The following CACNA1B variants were observed in gnomAD, a reference collection of about 807,000 sequenced individuals.
CACNA1B encodes calcium voltage-gated channel subunit alpha1 B.
CACNA1B carries 70 observed loss-of-function variants against 247.2 expected under a neutral mutation model. The observed-to-expected ratio is 0.28, with a 90% confidence interval of 0.23 to 0.35. The LOEUF is 0.35. Among genes scored for constraint, CACNA1B ranks in the 10% least tolerant of loss-of-function variants. CACNA1B has a pLI of 1.00. For synonymous variants in CACNA1B, 1,231 were observed against 1,294.4 expected (o/e 0.95, Z 1.05); for missense variants, 2,367 against 3,197.4 (o/e 0.74, Z 6.26).
rs184557627 is a variant in CACNA1B at position 137,935,688 on chromosome 9, A to G, written c.967-16586A>G. 6.6e-5 allele frequency among the ~76,000 whole-genome samples: 10 copies of G among 152,334 alleles called. No individual in the cohort carries two copies. In the East Asian group the frequency reaches 1.9e-3, roughly 29 times the overall value. The stretch of plus-strand genomic sequence containing the variant: ...CTTGAGGAATTGCCCACTGTCTTCC[A>G]CAATGGTTGAACTAGTTTACACTCC... On this transcript the variant is annotated intron_variant, in intron 6 of 46. Coordinates refer to ENST00000371372, the MANE Select transcript of CACNA1B (RefSeq NM_000718.4).
rs376453406 is a variant in CACNA1B at position 137,986,623 on chromosome 9, G to A, written c.1901+79G>A. On this transcript the variant is annotated intron_variant, in intron 14 of 46. Transcript: ENST00000371372. The surrounding 1 kb of genome is among the most constrained non-coding windows in gnomAD (Gnocchi z 6.0). ...GCTCAGAGCAGACGGTGCCGCCCAG[G>A]CTGCCTCCACCCACCTTCCCACCAG... 6.4e-7 allele frequency: 1 copy of A among 1,559,736 alleles called. No individual in the cohort carries two copies. Among genetic ancestry groups the A allele is most frequent in the Non-Finnish European group, 8.8e-7 (1 of 1,134,538 alleles).
At chr9:138,043,648 G>T in intron 20 of CACNA1B, 126 bp from the exon 21 acceptor site, 1 of 993,286 alleles carries the variant, frequency 1.0e-6, no homozygotes, top group Non-Finnish European at 1.5e-6. Context: ...TTAGCTGCTT[G>T]CCCATCCCTG....
At chr9:137,885,385 G>A (rs1956996440) in intron 3 of CACNA1B, among the ~76,000 whole-genome samples, 1 of 152,216 alleles carries the variant, frequency 6.6e-6, no homozygotes, top group Admixed American at 6.5e-5. Flanking sequence ...GGGGAGCCCA[G>A]GGAGGAACCC....
intron 36 of CACNA1B, among the ~76,000 whole-genome samples, chr9:138,088,994 A>AG (rs1960794076): frequency 7.3e-6 from 1 of 136,338 alleles, no homozygotes; most frequent in Non-Finnish European, 1.6e-5. Context: ...AAAAAAAAAA[A>AG]TCCCATCAAA....
intron 3 of CACNA1B, among the ~76,000 whole-genome samples, chr9:137,894,646 G>A (rs530137371): frequency 6.6e-6 from 1 of 152,206 alleles, no homozygotes; most frequent in South Asian, 2.1e-4. Context: ...CTGACCTCGT[G>A]ATCCGCCCAC....
intron 3 of CACNA1B, among the ~76,000 whole-genome samples, chr9:137,910,072 A>G (rs1386722393): frequency 6.6e-6 from 1 of 152,116 alleles, no homozygotes; most frequent in Non-Finnish European, 1.5e-5. Flanking sequence ...CGCCTGGCCA[A>G]TAATAGCTAT....
chr9:137,948,812 ATGTG>A (rs1564202790), intron 6 of CACNA1B, among the ~76,000 whole-genome samples: 1 of 120,798 alleles, frequency 8.3e-6, no homozygotes. Flanking sequence ...TGGTGTGTGC[ATGTG>A]TGTGTGGTGT....
At chr9:137,886,114 T>C (rs558349344) in intron 3 of CACNA1B, among the ~76,000 whole-genome samples, 1 of 151,666 alleles carries the variant, frequency 6.6e-6, no homozygotes, top group Non-Finnish European at 1.5e-5. Flanking sequence ...GAGTGGATCA[T>C]TTGCCAAGAG....
chr9:138,118,867 G>A (rs1398684230), intron 44 of CACNA1B, 99 bp downstream of exon 44: 1 of 655,846 alleles, frequency 1.5e-6, no homozygotes, highest in Non-Finnish European at 2.7e-6. Context: ...GAGAGCTGGG[G>A]TAGAGAGGCT....
intron 3 of CACNA1B, among the ~76,000 whole-genome samples, chr9:137,910,140 T>A (rs1957344267): frequency 1.3e-5 from 2 of 152,210 alleles, no homozygotes; most frequent in South Asian, 4.1e-4. Context: ...CCCTAATGAT[T>A]AGTGATGTTG....
chr9:137,894,565 C>T (rs968224170), intron 3 of CACNA1B, among the ~76,000 whole-genome samples: 3 of 152,016 alleles, frequency 2.0e-5, no homozygotes, highest in Non-Finnish European at 2.9e-5. Context: ...CCCGCCACCA[C>T]GCCCGGCTCA....
At position 138,023,659 on chromosome 9, in the gene CACNA1B, G is replaced by C. The variant is rs1269813642; in HGVS notation, c.2916G>C (p.Gly972=). The change falls in exon 19 of 47, where the codon GGG becomes GGC. Residue 972 remains glycine, a synonymous_variant. Coordinates refer to ENST00000371372, the MANE Select transcript of CACNA1B (RefSeq NM_000718.4). ...CGGGGCCCCGGGAGGCGGAGAGCGGGGAGGAGCCGGCGCGGCGGCACCGGG... is the reference window on the plus strand; with the variant it reads ...CGGGGCCCCGGGAGGCGGAGAGCGGCGAGGAGCCGGCGCGGCGGCACCGGG... ...PRAGPREAES[G]EEPARRHRAR... is the part of the protein sequence containing the mutation. 1 of 1,487,492 alleles carries C rather than the reference G, an allele frequency of 6.7e-7. No individual in the cohort carries two copies. Among genetic ancestry groups the C allele is most frequent in the Admixed American group, 2.2e-5 (1 of 45,536 alleles). 92.1% of individuals were successfully genotyped at this position (1,487,492 alleles called of 1,614,324 possible).
In CACNA1B at chr9:138,102,787, C is replaced by G; in HGVS notation, c.5299C>G (p.Pro1767Ala). 5.6e-6 allele frequency: 9 copies of G among 1,611,978 alleles called. No individual in the cohort carries two copies. The highest frequency in any genetic ancestry group is 7.6e-6 in the Non-Finnish European group (9 of 1,178,362). Residue 1767 changes from proline (P) to alanine (A), a missense_variant, in exon 38 of 47, where the codon CCT (proline) becomes GCT (alanine). Physicochemically the swap from Pro to Ala is conservative, Grantham distance 27. This residue lies in a region of CACNA1B where 55 missense variants were observed against 107.8 expected (regional missense o/e 0.51). Coordinates refer to ENST00000371372, the MANE Select transcript of CACNA1B (RefSeq NM_000718.4). The surrounding 1 kb of genome is among the most constrained non-coding windows in gnomAD (Gnocchi z 5.4). ...GCCTCTGGGGCTGGGGAAGAAATGC[C>G]CTGCTCGAGTTGCTTACAAGGTAGA... Reference protein sequence around the residue: ...SPPLGLGKKCPARVAYKRLVR... With the variant: ...SPPLGLGKKCAARVAYKRLVR...
chr9:138,001,377 T>C (rs953044448), intron 15 of CACNA1B, among the ~76,000 whole-genome samples: 5 of 84,438 alleles, frequency 5.9e-5, no homozygotes, highest in African/African-American at 5.1e-4. Flanking sequence ...GAAAATGTTC[T>C]AAAATGGACT....
chr9:137,992,846 T>G (rs935107182), intron 15 of CACNA1B, among the ~76,000 whole-genome samples: 2 of 149,530 alleles, frequency 1.3e-5, no homozygotes, highest in Non-Finnish European at 3.0e-5. Flanking sequence ...TCTCAGACGA[T>G]AGTGGAATAA....
chr9:137,906,268 C>T (rs1588996352), intron 3 of CACNA1B, among the ~76,000 whole-genome samples: 1 of 152,220 alleles, frequency 6.6e-6, no homozygotes, highest in East Asian at 1.9e-4. Context: ...GCCAGGGTGA[C>T]TCCTAAGGCC....
rs1246953711 is a variant in CACNA1B, at chr9:138,054,781, G to T, written c.3968+775G>T. ...TGTGTAAAATTACACTCTCTCCAGC[G>T]TAGATGAGAGCCCCACATCCTAGCT... On this transcript the variant is annotated intron_variant, in intron 26 of 46. Transcript: ENST00000371372. The surrounding 1 kb of genome is among the most constrained non-coding windows in gnomAD (Gnocchi z 4.6). 1.3e-5 allele frequency among the ~76,000 whole-genome samples: 2 copies of T among 152,186 alleles called. No homozygotes were observed. Among genetic ancestry groups the T allele is most frequent in the Admixed American group, 1.3e-4 (2 of 15,284 alleles).
At chr9:138,017,682 A>G (rs1014081351) in intron 18 of CACNA1B, among the ~76,000 whole-genome samples, 2 of 152,316 alleles carry the variant, frequency 1.3e-5, no homozygotes, top group African/African-American at 4.8e-5. Context: ...TGTTCTAGCA[A>G]GAGCAGAGAG....
At chr9:137,915,239 C>G (rs1216316537) in intron 5 of CACNA1B, among the ~76,000 whole-genome samples, 1 of 152,194 alleles carries the variant, frequency 6.6e-6, no homozygotes, top group African/African-American at 2.4e-5. Context: ...ATGTGGGCTT[C>G]ATGGCCCTGT....
Sources: gnomAD v4.1 joint callset for allele counts (sites outside exome capture counted in the v4.1 genomes callset) on GRCh38, gnomAD v4.1.1 for gene constraint, gnomAD v4.1.1 regional missense constraint, Gnocchi (gnomAD v3.1) non-coding constraint, MANE v1.5 for transcripts, NCBI Gene and HGNC (gene_info 2026-07-23, HGNC 2026-07-21) for gene names.